The following CADM2 variants were observed in gnomAD, a reference collection of about 807,000 sequenced individuals.
The protein encoded by CADM2 is cell adhesion molecule 2.
A neutral mutation model predicts 49.8 loss-of-function variants in CADM2; 12 were observed. The ratio of observed to expected loss-of-function variants is 0.24; its 90% confidence interval spans 0.15 to 0.39. The LOEUF is 0.39. CADM2 is among the 10% of genes least tolerant of loss of function. CADM2 has a pLI of 1.00. For missense variants in CADM2, 378 were observed against 492.3 expected, an observed-to-expected ratio of 0.77 and a Z score of 2.20; for synonymous variants, 214 against 175.4, an observed-to-expected ratio of 1.22 and a Z score of -1.74.
intron 1 of CADM2, among the ~76,000 whole-genome samples, chr3:85,449,052 A>AATAATAATAAT (rs2037616655): frequency 1.9e-5 from 2 of 107,406 alleles, no homozygotes; most frequent in East Asian, 5.9e-4. Flanking sequence ...TCCAACTCAA[A>AATAATAATAAT]AATAATAATA....
At chr3:85,815,474 A>G (rs2073152607) in intron 3 of CADM2, among the ~76,000 whole-genome samples, 2 of 152,186 alleles carry the variant, frequency 1.3e-5, no homozygotes, top group African/African-American at 4.8e-5. Flanking sequence ...CCAACTCATA[A>G]ACAGAACCCA....
At chr3:85,881,195 C>T (rs1488801551) in intron 3 of CADM2, among the ~76,000 whole-genome samples, 1 of 151,974 alleles carries the variant, frequency 6.6e-6, no homozygotes, top group African/African-American at 2.4e-5. Flanking sequence ...TAGAGAAAAT[C>T]CAATTAGTTT....
chr3:85,099,098 C>G (rs780203041), intron 1 of CADM2, among the ~76,000 whole-genome samples: 9 of 152,100 alleles, frequency 5.9e-5, no homozygotes, highest in Non-Finnish European at 1.2e-4. Flanking sequence ...CCATTTTTAT[C>G]CTTCAGGGCT....
intron 1 of CADM2, among the ~76,000 whole-genome samples, chr3:85,404,525 A>G (rs1181335837): frequency 6.6e-6 from 1 of 152,126 alleles, no homozygotes; most frequent in South Asian, 2.1e-4. Flanking sequence ...TTAAGTATTT[A>G]TTTTTGTTGA....
intron 1 of CADM2, among the ~76,000 whole-genome samples, chr3:85,577,036 T>G (rs1012469581): frequency 6.6e-6 from 1 of 152,114 alleles, no homozygotes; most frequent in African/African-American, 2.4e-5. Context: ...GGAAAAATAT[T>G]TGTCACTACT....
chr3:86,033,386 T>G (rs1040941012), intron 8 of CADM2, among the ~76,000 whole-genome samples: 1 of 151,900 alleles, frequency 6.6e-6, no homozygotes, highest in African/African-American at 2.4e-5. Context: ...TGATTGAAAT[T>G]TTATATATAA....
intron 2 of CADM2, among the ~76,000 whole-genome samples, chr3:85,745,640 A>T (rs1427222493): frequency 6.6e-6 from 1 of 152,126 alleles, no homozygotes. Context: ...TGAAGGTGGG[A>T]AAATCACTTG....
chr3:86,054,165 A>C lies in CADM2; in HGVS notation c.971-11440A>C, dbSNP rs1277082913. ...TATTTTAATATTTAAAAAAAAGCAT[A>C]AGTCTTTTCTACTGGTATGTGATGA... On this transcript the variant is annotated intron_variant, in intron 8 of 9. Coordinates refer to ENST00000383699, the MANE Select transcript of CADM2 (RefSeq NM_001167675.2). Among the ~76,000 whole-genome samples, 2 of 152,096 alleles carry C rather than the reference A, an allele frequency of 1.3e-5. 1 individual carries two copies. The highest frequency in any genetic ancestry group is 2.9e-5 in the Non-Finnish European group (2 of 67,964).
At chr3:85,161,538 T>C (rs2107668275) in intron 1 of CADM2, among the ~76,000 whole-genome samples, 1 of 152,136 alleles carries the variant, frequency 6.6e-6, no homozygotes, top group African/African-American at 2.4e-5. Flanking sequence ...CCTAGGTGAA[T>C]GTCACAGAAT....
intron 2 of CADM2, among the ~76,000 whole-genome samples, chr3:85,751,733 T>C (rs2107862006): frequency 6.6e-6 from 1 of 152,284 alleles, no homozygotes; most frequent in South Asian, 2.1e-4. Flanking sequence ...AAGGATCTTT[T>C]AAAAACTCGA....
At chr3:85,156,218 G>C (rs1274372090) in intron 1 of CADM2, among the ~76,000 whole-genome samples, 1 of 151,930 alleles carries the variant, frequency 6.6e-6, no homozygotes, top group African/African-American at 2.4e-5. Flanking sequence ...AAAATTGATA[G>C]ACCACTAGCA....
intron 1 of CADM2, among the ~76,000 whole-genome samples, chr3:85,578,122 T>G (rs1289115786): frequency 6.6e-6 from 1 of 152,006 alleles, no homozygotes. Flanking sequence ...TCACCCAGGC[T>G]GGAGAGTGGA....
chr3:85,387,176 C>T (rs747386656), intron 1 of CADM2, among the ~76,000 whole-genome samples: 3 of 152,060 alleles, frequency 2.0e-5, no homozygotes, highest in Non-Finnish European at 4.4e-5. Flanking sequence ...GGCTACAGAC[C>T]ATGCCCATTA....
At chr3:85,114,516 C>A (rs886430250) in intron 1 of CADM2, among the ~76,000 whole-genome samples, 1 of 152,056 alleles carries the variant, frequency 6.6e-6, no homozygotes, top group African/African-American at 2.4e-5. Flanking sequence ...ATTAACATGC[C>A]CAGACATGGC....
intron 1 of CADM2, among the ~76,000 whole-genome samples, chr3:85,312,146 T>C (rs914162023): frequency 8.5e-5 from 13 of 152,098 alleles, no homozygotes; most frequent in Admixed American, 7.2e-4. Context: ...AGCTTTGAAA[T>C]TGACAATCCC....
intron 1 of CADM2, among the ~76,000 whole-genome samples, chr3:85,366,231 C>A (rs2107299720): frequency 6.6e-6 from 1 of 152,110 alleles, no homozygotes; most frequent in South Asian, 2.1e-4. Flanking sequence ...TGGAAAAATA[C>A]CTTAAATAAA....
chr3:85,695,588 G>T (rs72913201), intron 1 of CADM2, among the ~76,000 whole-genome samples: 7 of 150,730 alleles, frequency 4.6e-5, no homozygotes, highest in African/African-American at 1.7e-4. Context: ...ATACGGGTAC[G>T]TACACACACA....
intron 1 of CADM2, among the ~76,000 whole-genome samples, chr3:85,574,031 C>T (rs2062559089): frequency 6.6e-6 from 1 of 152,202 alleles, no homozygotes; most frequent in Non-Finnish European, 1.5e-5. Flanking sequence ...TGAGACATTT[C>T]ATCTGTCTCT....
chr3:85,506,652 A>C (rs1284646097), intron 1 of CADM2, among the ~76,000 whole-genome samples: 1 of 152,110 alleles, frequency 6.6e-6, no homozygotes, highest in East Asian at 1.9e-4. Context: ...CTCCTGCGTT[A>C]GCTTCCCAAA....
Sources: gnomAD v4.1 joint callset for allele counts (sites outside exome capture counted in the v4.1 genomes callset) on GRCh38, gnomAD v4.1.1 for gene constraint, MANE v1.5 for transcripts, NCBI Gene and HGNC (gene_info 2026-07-23, HGNC 2026-07-21) for gene names.